The following SIPA1L3 variants were observed in gnomAD, a reference collection of about 807,000 sequenced individuals.
SIPA1L3 encodes signal induced proliferation associated 1 like 3.
Under a neutral mutation model 150.1 loss-of-function variants are expected in SIPA1L3, and 59 were observed. The ratio of observed to expected loss-of-function variants is 0.39; its 90% CI spans 0.32 to 0.49. The LOEUF (loss-of-function observed/expected upper bound fraction) is 0.49, where lower values mean the gene tolerates loss of function less well. Among genes scored for constraint, SIPA1L3 ranks in the 20% least tolerant of loss-of-function variants. The probability of loss-of-function intolerance (pLI) is 0.86; values close to 1 mark genes in which losing one functional copy is unlikely to be tolerated. For missense variants in SIPA1L3, 2,211 were observed against 2,489.5 expected, an observed-to-expected ratio of 0.89 and a Z score of 2.38; for synonymous variants, 1,070 against 1,077.6, an observed-to-expected ratio of 0.99 and a Z score of 0.14.
chr19:38,073,222 T>G (rs1969760936), intron 2 of SIPA1L3, among the ~76,000 whole-genome samples: 1 of 152,200 alleles, frequency 6.6e-6, no homozygotes, highest in Admixed American at 6.5e-5. Flanking sequence ...GAAGTGTGGC[T>G]GTGGCCACCA....
chr19:37,995,822 T>C (rs571172835), intron 1 of SIPA1L3, among the ~76,000 whole-genome samples: 8 of 152,176 alleles, frequency 5.3e-5, no homozygotes, highest in Admixed American at 2.0e-4. Context: ...ACACGTGCCA[T>C]TGGGGCTCTC....
At chr19:38,157,605 T>A (rs1376895085) in intron 13 of SIPA1L3, among the ~76,000 whole-genome samples, 1 of 151,830 alleles carries the variant, frequency 6.6e-6, no homozygotes, top group Non-Finnish European at 1.5e-5. Context: ...TGGCCCAGGG[T>A]TTTAGCATGC....
intron 20 of SIPA1L3, among the ~76,000 whole-genome samples, chr19:38,202,445 G>T (rs1165147062): frequency 6.6e-6 from 1 of 151,998 alleles, no homozygotes; most frequent in East Asian, 1.9e-4. Context: ...AAAATTAGCC[G>T]GGCGTGGTGG....
rs1457255226 is a variant in SIPA1L3 at position 38,183,813 on chromosome 19, C to T, written c.4430+1073C>T. On this transcript the variant is annotated intron_variant, in intron 16 of 21. Transcript: ENST00000222345. ...GGGGAGGTGCGGAGGCGGAGAGGTGCGGAGGCGGGGCCAGGGCCAGGAGAG... is the reference window on the plus strand; with the variant it reads ...GGGGAGGTGCGGAGGCGGAGAGGTGTGGAGGCGGGGCCAGGGCCAGGAGAG... Among the ~76,000 whole-genome samples, 6 of 152,062 alleles carry T rather than the reference C, an allele frequency of 3.9e-5. No individual in the cohort carries two copies. In the East Asian group the frequency reaches 1.2e-3, roughly 29 times the overall value.
chr19:37,976,677 C>T (rs1226072578), intron 1 of SIPA1L3, among the ~76,000 whole-genome samples: 1 of 152,106 alleles, frequency 6.6e-6, no homozygotes, highest in East Asian at 1.9e-4. Context: ...TTCTGTGCAT[C>T]AGTTTGTCGG....
intron 1 of SIPA1L3, among the ~76,000 whole-genome samples, chr19:37,977,586 C>G (rs1260682134): frequency 6.6e-6 from 1 of 152,112 alleles, no homozygotes; most frequent in Non-Finnish European, 1.5e-5. Flanking sequence ...CCTCCACGCC[C>G]CCCCCCACAG....
intron 13 of SIPA1L3, among the ~76,000 whole-genome samples, chr19:38,156,006 G>A (rs1321988075): frequency 4.6e-5 from 7 of 152,104 alleles, no homozygotes; most frequent in African/African-American, 9.7e-5. Flanking sequence ...GCTTGAACAC[G>A]GGAGGCAGAA....
At chr19:37,926,789 G>A (rs1395507293) in intron 1 of SIPA1L3, among the ~76,000 whole-genome samples, 2 of 152,188 alleles carry the variant, frequency 1.3e-5, no homozygotes, top group African/African-American at 4.8e-5. Flanking sequence ...GCCTTTGGCT[G>A]CAAACAGTAG....
Position 38,100,009 on chromosome 19 carries a change from C to T in SIPA1L3, c.1713C>T (p.Ala571=). Residue 571 remains alanine, a synonymous_variant, in exon 5 of 22, where the codon GCC becomes GCT. Coordinates refer to ENST00000222345, the MANE Select transcript of SIPA1L3 (RefSeq NM_015073.3). The part of the protein sequence containing the change: ...GSILEDATPT[A]TKHGTGRGLP... ...TCCTGGAAGATGCTACGCCCACAGC[C>T]ACCAAGCATGGGACCGGGCGGGGCC... is the stretch of plus-strand genomic sequence containing the variant. The T allele has an allele frequency of 6.2e-7, 1 of 1,610,634 alleles. No individual in the cohort carries two copies. The highest frequency in any genetic ancestry group is 8.5e-7 in the Non-Finnish European group (1 of 1,178,858).
chr19:37,968,596 A>G (rs560620552), intron 1 of SIPA1L3, among the ~76,000 whole-genome samples: 41 of 152,366 alleles, frequency 2.7e-4, no homozygotes, highest in African/African-American at 8.7e-4. Flanking sequence ...TGGAGATAAC[A>G]TGATGGAAGT....
rs546852266 is a variant in SIPA1L3, at chr19:38,101,580, T to G, written c.2029+354T>G. Among the ~76,000 whole-genome samples, 3 of 152,162 alleles carry G rather than the reference T, an allele frequency of 2.0e-5. No individual in the cohort carries two copies. The East Asian group carries it at 5.8e-4, about 29-fold the overall frequency. On this transcript the variant is annotated intron_variant, in intron 6 of 21. Transcript: ENST00000222345. ...TGTGCACCACCACACTTGGCTAATT[T>G]TTGTATTTTTAGTAGAGACAGGCTT...
chr19:38,195,825 C>A (rs908332124), intron 18 of SIPA1L3, among the ~76,000 whole-genome samples: 2 of 141,844 alleles, frequency 1.4e-5, no homozygotes, highest in African/African-American at 2.6e-5. Flanking sequence ...TCTCTCACCC[C>A]CCTCCGTCCC....
chr19:38,166,684 G>A (rs577553911), intron 15 of SIPA1L3, among the ~76,000 whole-genome samples: 2 of 152,196 alleles, frequency 1.3e-5, no homozygotes, highest in South Asian at 4.2e-4. Context: ...TCCAGTGCCA[G>A]CCCCTGAGTC....
chr19:38,141,104 C>A, intron 10 of SIPA1L3, 80 bp from the exon 11 acceptor site: 2 of 1,339,024 alleles, frequency 1.5e-6, no homozygotes, highest in Non-Finnish European at 2.0e-6. Context: ...TTATATTGGG[C>A]CAGGAAAACC....
intron 15 of SIPA1L3, among the ~76,000 whole-genome samples, chr19:38,166,910 G>T (rs994203304): frequency 6.6e-6 from 1 of 151,388 alleles, no homozygotes; most frequent in Non-Finnish European, 1.5e-5. Flanking sequence ...GTAGAATTGT[G>T]TCCATCTATA....
intron 15 of SIPA1L3, 46 bp from the exon 16 acceptor site, chr19:38,182,473 T>C (rs761628888): frequency 2.2e-5 from 31 of 1,406,790 alleles, no homozygotes; most frequent in Non-Finnish European, 2.9e-5. Context: ...TTGCCAAATG[T>C]GGAATGGATT....
chr19:38,068,217 G>C (rs1453916938), intron 2 of SIPA1L3, among the ~76,000 whole-genome samples: 4 of 151,808 alleles, frequency 2.6e-5, no homozygotes, highest in African/African-American at 9.7e-5. Context: ...TTTTAGTAGA[G>C]ACGGGGTTTC....
intron 2 of SIPA1L3, among the ~76,000 whole-genome samples, chr19:38,034,425 C>T (rs1968732324): frequency 6.6e-6 from 1 of 151,686 alleles, no homozygotes; most frequent in Non-Finnish European, 1.5e-5. Flanking sequence ...GTGAAGCTGC[C>T]TGCCAGGTAG....
intron 18 of SIPA1L3, among the ~76,000 whole-genome samples, chr19:38,195,110 G>T (rs942406426): frequency 2.6e-5 from 4 of 151,580 alleles, no homozygotes; most frequent in African/African-American, 9.7e-5. Flanking sequence ...TGCACTCCTT[G>T]CCCTGGTGGT....
Sources: gnomAD v4.1 joint callset for allele counts (sites outside exome capture counted in the v4.1 genomes callset) on GRCh38, gnomAD v4.1.1 for gene constraint, MANE v1.5 for transcripts, NCBI Gene and HGNC (gene_info 2026-07-23, HGNC 2026-07-21) for gene names.